Variants in ACER3 observed in about 807,000 individuals in gnomAD.
ACER3 encodes alkaline ceramidase 3.
A neutral mutation model predicts 48.9 loss-of-function variants in ACER3; 16 were observed. That is an observed-to-expected ratio of 0.33 (90% CI 0.22 to 0.50). The LOEUF (loss-of-function observed/expected upper bound fraction) is 0.50, where lower values mean the gene tolerates loss of function less well. Ranked by LOEUF, ACER3 falls within the 20% of genes least tolerant of loss-of-function variation. ACER3 has a pLI of 0.98. For missense variants in ACER3, 227 were observed against 326.0 expected (o/e 0.70, Z 2.34); for synonymous variants, 109 against 107.8 (o/e 1.01, Z -0.07).
intron 4 of ACER3, among the ~76,000 whole-genome samples, chr11:76,984,385 C>T (rs905222576): frequency 6.6e-6 from 1 of 152,190 alleles, no homozygotes; most frequent in African/African-American, 2.4e-5. Flanking sequence ...CTAATATTTT[C>T]ATCATTGTCC....
intron 1 of ACER3, among the ~76,000 whole-genome samples, chr11:76,911,856 G>A (rs1329357506): frequency 6.6e-6 from 1 of 152,148 alleles, no homozygotes; most frequent in African/African-American, 2.4e-5. Flanking sequence ...ATTTGGCAAG[G>A]GGAATGAGGG....
At chr11:77,012,052 G>C (rs568140700) in intron 7 of ACER3, among the ~76,000 whole-genome samples, 1 of 151,770 alleles carries the variant, frequency 6.6e-6, no homozygotes, top group Admixed American at 6.6e-5. Flanking sequence ...TTATACTGGT[G>C]GAAATCCTAC....
chr11:77,011,755 T>G (rs1021459501), intron 7 of ACER3, among the ~76,000 whole-genome samples: 14 of 151,988 alleles, frequency 9.2e-5, no homozygotes, highest in Non-Finnish European at 1.6e-4. Context: ...TTCACCATAT[T>G]TAAAAAATAA....
At chr11:76,933,716 C>T (rs1947081851) in intron 2 of ACER3, among the ~76,000 whole-genome samples, 1 of 152,248 alleles carries the variant, frequency 6.6e-6, no homozygotes, top group East Asian at 1.9e-4. Flanking sequence ...TCTGATTTCT[C>T]AATCTTTTCC....
chr11:76,979,608 G>A (rs1317271176), intron 4 of ACER3, among the ~76,000 whole-genome samples: 2 of 151,976 alleles, frequency 1.3e-5, no homozygotes, highest in South Asian at 2.1e-4. Flanking sequence ...AGCTGAGATG[G>A]CACCACTACA....
Position 76,904,536 on chromosome 11 carries a change from G to A in ACER3, c.104-22021G>A, listed in dbSNP as rs547483639. On this transcript the variant is annotated intron_variant, in intron 1 of 10. Transcript: ENST00000532485. ...TCCCTAAATTGTATAAAGCCAAGCTGTAACCCAGCCACCCTGGACACATAT... is the reference window on the plus strand; with the variant it reads ...TCCCTAAATTGTATAAAGCCAAGCTATAACCCAGCCACCCTGGACACATAT... Among the ~76,000 whole-genome samples the A allele has an allele frequency of 3.9e-5, 6 of 152,226 alleles. No homozygotes were observed. The South Asian group carries it at 1.0e-3, about 26-fold the overall frequency.
chr11:76,947,882 C>T (rs1039295530), intron 2 of ACER3, among the ~76,000 whole-genome samples: 2 of 152,112 alleles, frequency 1.3e-5, no homozygotes, highest in Admixed American at 6.5e-5. Context: ...GTAGCCCAAA[C>T]CCACGGACAG....
intron 5 of ACER3, among the ~76,000 whole-genome samples, chr11:76,988,998 A>G (rs1049914175): frequency 6.6e-6 from 1 of 150,846 alleles, no homozygotes; most frequent in Admixed American, 6.7e-5. Context: ...GAAAATTAAT[A>G]CCTAACACAT....
At chr11:76,866,608 TATG>T (rs1267405448) in intron 1 of ACER3, among the ~76,000 whole-genome samples, 3 of 152,220 alleles carry the variant, frequency 2.0e-5, no homozygotes, top group Non-Finnish European at 2.9e-5. Context: ...TTAACTAAAC[TATG>T]ATAACTGAAA....
chr11:76,919,540 T>C (rs892780933), intron 1 of ACER3, among the ~76,000 whole-genome samples: 1 of 152,184 alleles, frequency 6.6e-6, no homozygotes, highest in Non-Finnish European at 1.5e-5. Context: ...AATCTAAATC[T>C]ATATCAAAAT....
At chr11:76,954,709 T>C (rs1178778476) in intron 2 of ACER3, among the ~76,000 whole-genome samples, 1 of 151,608 alleles carries the variant, frequency 6.6e-6, no homozygotes, top group Non-Finnish European at 1.5e-5. Context: ...CAAGTGATCC[T>C]CCCACCTCAG....
At chr11:76,985,581 CA>C in intron 4 of ACER3, 61 bp from the exon 5 acceptor site, 2 of 1,024,674 alleles carry the variant, frequency 2.0e-6, no homozygotes, top group Non-Finnish European at 2.8e-6. Context: ...GGTAAAGCAG[CA>C]TTCTATTTAT....
chr11:76,991,860 T>C (rs949488698), intron 6 of ACER3, among the ~76,000 whole-genome samples: 1 of 151,664 alleles, frequency 6.6e-6, no homozygotes, highest in Non-Finnish European at 1.5e-5. Flanking sequence ...ATCCTCACTT[T>C]CTTGTTTATT....
chr11:77,019,735 T>C lies in ACER3; in HGVS notation c.709T>C (p.Tyr237His). 6.2e-7 allele frequency: 1 copy of C among 1,614,062 alleles called. No individual in the cohort carries two copies. The highest frequency in any genetic ancestry group is 8.5e-7 in the Non-Finnish European group (1 of 1,179,956). Residue 237 changes from tyrosine to histidine, a missense_variant, in exon 10 of 11, where the codon TAT becomes CAT. By Grantham distance (83) the Tyr-to-His change is moderately conservative. Around this residue, in one of 3 missense-constraint regions of ACER3, gnomAD observed 195 missense variants for 290.8 expected, o/e 0.67. Coordinates refer to ENST00000532485, the MANE Select transcript of ACER3 (RefSeq NM_018367.7). ...CCCCTCCCACTTTTCTTTCAGTTTG[T>C]ATACAAGAACACTTTACCTGAGATA... The part of the protein sequence containing the change: ...GSYLHILFSL[Y>H]TRTLYLRYRP...
intron 1 of ACER3, among the ~76,000 whole-genome samples, chr11:76,901,315 T>G (rs1946077901): frequency 6.6e-6 from 1 of 151,660 alleles, no homozygotes; most frequent in Non-Finnish European, 1.5e-5. Context: ...ACTAACAAGA[T>G]ACTTCTGACT....
chr11:76,866,288 T>C (rs1488311241), intron 1 of ACER3, among the ~76,000 whole-genome samples: 2 of 152,228 alleles, frequency 1.3e-5, no homozygotes, highest in Non-Finnish European at 2.9e-5. Context: ...GCCAATTCTC[T>C]CCTTCTGTTA....
intron 8 of ACER3, 48 bp downstream of exon 8, chr11:77,015,165 T>C (rs1200805680): frequency 5.8e-6 from 6 of 1,038,980 alleles, no homozygotes; most frequent in African/African-American, 4.8e-5. Flanking sequence ...AAGCATTTTA[T>C]TAAGTAGAGA....
chr11:76,950,810 G>GT, intron 2 of ACER3, among the ~76,000 whole-genome samples: 1 of 152,204 alleles, frequency 6.6e-6, no homozygotes. Flanking sequence ...TGATTTGGAG[G>GT]TTTTCTCTTG....
chr11:76,950,709 C>G (rs1590978304), intron 2 of ACER3, among the ~76,000 whole-genome samples: 1 of 151,920 alleles, frequency 6.6e-6, no homozygotes, highest in East Asian at 2.0e-4. Flanking sequence ...CTCAAGCAAT[C>G]CCCGTCTTGG....
Sources: allele counts gnomAD v4.1 joint callset (sites outside exome capture counted in the v4.1 genomes callset), GRCh38; gene constraint gnomAD v4.1.1; regional missense constraint gnomAD v4.1.1; transcripts MANE v1.5; gene names NCBI Gene and HGNC (gene_info 2026-07-23, HGNC 2026-07-21).